Variants in TENM3 observed in about 807,000 individuals in gnomAD.
TENM3 encodes teneurin-3.
In TENM3, 63 loss-of-function variants were observed where a neutral mutation model predicts 255.1. The observed-to-expected ratio is 0.25, with a 90% CI of 0.20 to 0.30. The LOEUF (loss-of-function observed/expected upper bound fraction) is 0.30, where lower values mean the gene tolerates loss of function less well. TENM3 is among the 10% of genes least tolerant of loss of function. TENM3 has a pLI of 1.00. For missense variants in TENM3, 2,929 were observed against 3,461.1 expected, an observed-to-expected ratio of 0.85 and a Z score of 3.86; for synonymous variants, 1,306 against 1,322.3, an observed-to-expected ratio of 0.99 and a Z score of 0.27.
the TENM3 span, among the ~76,000 whole-genome samples, chr4:181,952,404 C>A: frequency 6.6e-6 from 1 of 152,200 alleles, no homozygotes; most frequent in South Asian, 2.1e-4. Context: ...CTGTCTGCCG[C>A]TGGTAATTGA....
the TENM3 span, among the ~76,000 whole-genome samples, chr4:181,703,353 C>A: frequency 6.6e-6 from 1 of 152,098 alleles, no homozygotes; most frequent in African/African-American, 2.4e-5. Flanking sequence ...AATAACTTAC[C>A]CTCAGGCTTT....
chr4:181,572,216 A>G, the TENM3 span, among the ~76,000 whole-genome samples: 1 of 152,336 alleles, frequency 6.6e-6, no homozygotes, highest in South Asian at 2.1e-4. Context: ...TCCTAAAAAC[A>G]AAAGTACTGA....
chr4:181,543,793 A>G, the TENM3 span, among the ~76,000 whole-genome samples: 1 of 152,244 alleles, frequency 6.6e-6, no homozygotes, highest in Non-Finnish European at 1.5e-5. Context: ...ACTGCTAGCC[A>G]CATTTTGTTG....
intron 3 of TENM3, among the ~76,000 whole-genome samples, chr4:182,545,356 T>C (rs1260084573): frequency 2.0e-5 from 3 of 152,142 alleles, no homozygotes; most frequent in Non-Finnish European, 4.4e-5. Context: ...ATATCTTAAA[T>C]ATTTCCACTT....
At chr4:182,710,881 A>C (rs1231834484) in intron 12 of TENM3, among the ~76,000 whole-genome samples, 1 of 152,200 alleles carries the variant, frequency 6.6e-6, no homozygotes, top group Non-Finnish European at 1.5e-5. Context: ...TCATGAAACA[A>C]GTGGACAGGG....
At position 182,346,764 on chromosome 4, in the gene TENM3, T is replaced by G; in HGVS notation, c.346T>G (p.Ser116Ala). Residue 116 changes from serine to alanine, a missense_variant, in exon 3 of 28, where the codon TCA becomes GCA. By Grantham distance (99) the Ser-to-Ala change is moderately conservative (BLOSUM62 1). This residue lies in a region of TENM3 where 283 missense variants were observed against 256.9 expected (regional missense o/e 1.10). Coordinates refer to ENST00000511685, the MANE Select transcript of TENM3 (RefSeq NM_001080477.4). Reference protein sequence around the residue: ...PHRGYSISAGSDADTENEAVM... With the variant: ...PHRGYSISAGADADTENEAVM... ...CAGAGGTTACTCTATCAGTGCAGGG[T>G]CAGATGCTGATACTGAAAATGAAGC... is the stretch of plus-strand genomic sequence containing the variant. 6.2e-7 allele frequency: 1 copy of G among 1,613,392 alleles called. No homozygotes were observed. The highest frequency in any genetic ancestry group is 1.3e-5 in the African/African-American group (1 of 74,902).
At chr4:182,694,843 T>C (rs1157865283) in intron 12 of TENM3, among the ~76,000 whole-genome samples, 2 of 152,208 alleles carry the variant, frequency 1.3e-5, no homozygotes, top group East Asian at 3.9e-4. Context: ...AAACTTTTAC[T>C]GATACAGACA....
chr4:182,781,551 G>T (rs1468843990), intron 24 of TENM3, among the ~76,000 whole-genome samples: 3 of 152,130 alleles, frequency 2.0e-5, no homozygotes, highest in Non-Finnish European at 2.9e-5. Context: ...TTTGGTATCA[G>T]AATGATGCTG....
the TENM3 span, among the ~76,000 whole-genome samples, chr4:181,485,497 AG>A: frequency 2.6e-5 from 4 of 152,158 alleles, no homozygotes; most frequent in African/African-American, 9.7e-5. Context: ...TTTAAAAAAA[AG>A]AGTATCACTT....
chr4:182,050,246 G>A, the TENM3 span, among the ~76,000 whole-genome samples: 1 of 152,052 alleles, frequency 6.6e-6, no homozygotes. Context: ...ACCCACCTCG[G>A]CCTCCCAAAG....
At chr4:182,539,008 G>A (rs1205383391) in intron 3 of TENM3, among the ~76,000 whole-genome samples, 1 of 151,920 alleles carries the variant, frequency 6.6e-6, no homozygotes, top group Non-Finnish European at 1.5e-5. Context: ...TCAAAGCTAT[G>A]GATATCGGTG....
At chr4:181,696,439 A>G in the TENM3 span, among the ~76,000 whole-genome samples, 2 of 152,200 alleles carry the variant, frequency 1.3e-5, no homozygotes, top group African/African-American at 4.8e-5. Context: ...TGAAAATTGT[A>G]TTAGGAATGC....
At chr4:181,854,361 G>A in the TENM3 span, among the ~76,000 whole-genome samples, 4 of 152,120 alleles carry the variant, frequency 2.6e-5, no homozygotes, top group Admixed American at 6.5e-5. Flanking sequence ...CAAGCAATCC[G>A]AATTAGTCAG....
At chr4:181,594,030 C>T in the TENM3 span, among the ~76,000 whole-genome samples, 3 of 150,064 alleles carry the variant, frequency 2.0e-5, no homozygotes, top group African/African-American at 7.3e-5. Flanking sequence ...GTGGTGGCTG[C>T]TTCAATGCCT....
chr4:182,252,272 G>A (rs143346527), intron 1 of TENM3, among the ~76,000 whole-genome samples: 50 of 151,918 alleles, frequency 3.3e-4, no homozygotes, highest in Non-Finnish European at 6.3e-4. Context: ...GTATACACAC[G>A]ACTTTCTTTC....
At chr4:181,579,774 C>G in the TENM3 span, among the ~76,000 whole-genome samples, 1 of 151,984 alleles carries the variant, frequency 6.6e-6, no homozygotes. Context: ...TAGCTTTTTC[C>G]TATAGACCAC....
chr4:181,612,436 T>A, the TENM3 span, among the ~76,000 whole-genome samples: 2 of 151,910 alleles, frequency 1.3e-5, no homozygotes, highest in African/African-American at 4.8e-5. Context: ...TACTCTGAGG[T>A]CATTAACACC....
At chr4:182,681,566 G>T (rs962987850) in intron 10 of TENM3, among the ~76,000 whole-genome samples, 1 of 152,188 alleles carries the variant, frequency 6.6e-6, no homozygotes. Context: ...TCAAGAGCCT[G>T]TGTGTGTAAT....
the TENM3 span, among the ~76,000 whole-genome samples, chr4:181,560,641 C>A: frequency 8.5e-4 from 130 of 152,216 alleles, 1 homozygote; most frequent in African/African-American, 2.9e-3. Context: ...TATTTTTGTG[C>A]TTCAGGAAGT....
Sources: gnomAD v4.1 joint callset for allele counts (sites outside exome capture counted in the v4.1 genomes callset) on GRCh38, gnomAD v4.1.1 for gene constraint, gnomAD v4.1.1 regional missense constraint, MANE v1.5 for transcripts, NCBI Gene and HGNC (gene_info 2026-07-23, HGNC 2026-07-21) for gene names.